SMURF1: variants seen among roughly 807,000 people sequenced by gnomAD.
SMURF1 encodes E3 ubiquitin-protein ligase SMURF1.
Under a neutral mutation model 98.0 loss-of-function variants are expected in SMURF1, and 44 were observed. That is an observed-to-expected ratio of 0.45 (90% confidence interval 0.35 to 0.58). SMURF1 has a LOEUF of 0.58. Among genes scored for constraint, SMURF1 ranks in the 20% least tolerant of loss-of-function variants. The probability of loss-of-function intolerance (pLI) is 0.00; values close to 1 mark genes in which losing one functional copy is unlikely to be tolerated. For missense variants in SMURF1, 687 were observed against 938.4 expected, an observed-to-expected ratio of 0.73 and a Z score of 3.50; for synonymous variants, 396 against 374.9, an observed-to-expected ratio of 1.06 and a Z score of -0.65.
rs1344390189 is a variant in SMURF1 at position 99,030,230 on chromosome 7, A to G, written c.*354T>C. On this transcript the variant is annotated 3_prime_UTR_variant, in exon 18 of 18. Coordinates refer to ENST00000361368, the MANE Select transcript of SMURF1 (RefSeq NM_181349.3). ...CTCAATCAGCCACGCCCAGTCCCCT[A>G]ACTGTGAGTTGATGCTCCCGTAAAG... 4 of 214,016 alleles carry G rather than the reference A, an allele frequency of 1.9e-5. No individual in the cohort carries two copies. The highest frequency in any genetic ancestry group is 1.8e-4 in the South Asian group (2 of 10,852). The allele number at this position is 214,016 out of a possible 1,614,324, so 13.3% of individuals were successfully genotyped here.
chr7:99,081,354 G>C (rs149486534), intron 1 of SMURF1: 1 of 152,272 alleles, frequency 6.6e-6, no homozygotes, highest in African/African-American at 2.4e-5. Flanking sequence ...CAAAAATACT[G>C]TTTTAAGTTA....
intron 1 of SMURF1, among the ~76,000 whole-genome samples, chr7:99,112,076 G>A (rs80297605): frequency 1.3e-5 from 2 of 152,170 alleles, no homozygotes; most frequent in East Asian, 1.9e-4. Context: ...TAAGGAATGA[G>A]ATACTTTAGG....
At chr7:99,138,744 G>C (rs1554452140) in intron 1 of SMURF1, among the ~76,000 whole-genome samples, 1 of 152,120 alleles carries the variant, frequency 6.6e-6, no homozygotes, top group Non-Finnish European at 1.5e-5. Context: ...AAATGGATTT[G>C]AAAAAAGAAA....
intron 1 of SMURF1, among the ~76,000 whole-genome samples, chr7:99,078,577 C>T (rs1050320716): frequency 1.3e-5 from 2 of 152,114 alleles, no homozygotes; most frequent in African/African-American, 2.4e-5. Flanking sequence ...GCAAGCGAAG[C>T]TTCATCTGTG....
intron 11 of SMURF1, among the ~76,000 whole-genome samples, chr7:99,043,355 T>C (rs147628517): frequency 4.9e-4 from 74 of 152,092 alleles, no homozygotes; most frequent in African/African-American, 1.8e-3. Context: ...GCAACTGAAA[T>C]CTCTCCACCG....
intron 10 of SMURF1, among the ~76,000 whole-genome samples, 176 bp from the exon 11 acceptor site, chr7:99,045,977 G>T (rs567774992): frequency 6.6e-6 from 1 of 151,748 alleles, no homozygotes; most frequent in East Asian, 1.9e-4. Flanking sequence ...TTTTTTCTCA[G>T]TTTCTCCCTC....
chr7:99,030,607 TCTC>T lies in SMURF1; in HGVS notation c.2170_2172del (p.Glu724del). ...TTTCACTCCACAGCAAACCCGCAGG[TCTC>T]CTCCACGGCTGTCAGCAGCTTCTCG... On this transcript the variant is annotated inframe_deletion, in exon 18 of 18. Transcript: ENST00000361368. The T allele has an allele frequency of 7.4e-6, 12 of 1,614,098 alleles. No individual in the cohort carries two copies. The highest frequency in any genetic ancestry group is 1.0e-5 in the Non-Finnish European group (12 of 1,180,022).
intron 12 of SMURF1, among the ~76,000 whole-genome samples, chr7:99,041,540 C>A (rs980175051): frequency 6.6e-6 from 1 of 152,224 alleles, no homozygotes; most frequent in Non-Finnish European, 1.5e-5. Context: ...GTAAAAGGTT[C>A]TTCCACATTT....
At chr7:99,137,153 G>A (rs1304076000) in intron 1 of SMURF1, among the ~76,000 whole-genome samples, 1 of 151,966 alleles carries the variant, frequency 6.6e-6, no homozygotes, top group East Asian at 1.9e-4. Context: ...CAATGTCAAA[G>A]TACGTTATTA....
intron 1 of SMURF1, among the ~76,000 whole-genome samples, chr7:99,099,689 C>A (rs978962280): frequency 6.6e-6 from 1 of 152,106 alleles, no homozygotes; most frequent in African/African-American, 2.4e-5. Flanking sequence ...TGCCTTCCCA[C>A]GGGAGTGAGT....
At chr7:99,130,269 A>G (rs927543017) in intron 1 of SMURF1, among the ~76,000 whole-genome samples, 1 of 152,152 alleles carries the variant, frequency 6.6e-6, no homozygotes, top group Non-Finnish European at 1.5e-5. Context: ...CCTGGCCAAC[A>G]TGGTGAAACC....
intron 14 of SMURF1, among the ~76,000 whole-genome samples, chr7:99,037,777 A>G (rs1049854282): frequency 6.6e-6 from 1 of 152,262 alleles, no homozygotes; most frequent in Non-Finnish European, 1.5e-5. Flanking sequence ...CTGGCCAGGC[A>G]TGGCGGCTCA....
chr7:99,113,837 TAAAAAAAAAAAAAAAA>T (rs71118659), intron 1 of SMURF1, among the ~76,000 whole-genome samples: 17 of 33,976 alleles, frequency 5.0e-4, no homozygotes, highest in Non-Finnish European at 6.6e-4. Flanking sequence ...AGACTCCGTC[TAAAAAAAAAAAAAAAA>T]AAAAAAAAAA....
At chr7:99,109,251 C>G (rs1247038642) in intron 1 of SMURF1, among the ~76,000 whole-genome samples, 1 of 152,184 alleles carries the variant, frequency 6.6e-6, no homozygotes, top group Non-Finnish European at 1.5e-5. Context: ...CGTTGTCACT[C>G]TTAGTGCCAG....
chr7:99,101,714 C>T (rs1280332049), intron 1 of SMURF1, among the ~76,000 whole-genome samples: 2 of 152,230 alleles, frequency 1.3e-5, no homozygotes, highest in Admixed American at 6.5e-5. Context: ...CCGAGGCAGG[C>T]GGATCGCCTG....
At chr7:99,077,170 G>T (rs1442633557) in intron 1 of SMURF1, among the ~76,000 whole-genome samples, 1 of 151,202 alleles carries the variant, frequency 6.6e-6, no homozygotes. Flanking sequence ...TTTTCACCTG[G>T]TTGTAATCTT....
At chr7:99,099,502 G>T (rs1030523562) in intron 1 of SMURF1, among the ~76,000 whole-genome samples, 2 of 152,076 alleles carry the variant, frequency 1.3e-5, no homozygotes, top group Admixed American at 1.3e-4. Context: ...CCCAGGATAG[G>T]GGGGGAAATG....
chr7:99,113,307 T>A (rs550776835), intron 1 of SMURF1, among the ~76,000 whole-genome samples: 108 of 152,214 alleles, frequency 7.1e-4, no homozygotes, highest in African/African-American at 2.4e-3. Context: ...GTAGAAGGCA[T>A]CCTCAATAAA....
At chr7:99,049,908 A>G in intron 8 of SMURF1, 199 bp from the exon 9 acceptor site, 3 of 483,434 alleles carry the variant, frequency 6.2e-6, no homozygotes, top group Non-Finnish European at 1.1e-5. Flanking sequence ...GCAACATCCG[A>G]GAGATTTAAA....
Sources: gnomAD v4.1 joint callset for allele counts (sites outside exome capture counted in the v4.1 genomes callset) on GRCh38, gnomAD v4.1.1 for gene constraint, MANE v1.5 for transcripts, NCBI Gene and HGNC (gene_info 2026-07-23, HGNC 2026-07-21) for gene names.